The following ANKS1B variants were observed in gnomAD, a reference collection of about 807,000 sequenced individuals.
The protein encoded by ANKS1B is ankyrin repeat and sterile alpha motif domain containing 1B, also known as ankyrin repeat and sterile alpha motif domain-containing protein 1B.
In ANKS1B, 36 loss-of-function variants were observed where a neutral mutation model predicts 148.3. The observed-to-expected ratio is 0.24, with a 90% CI of 0.19 to 0.32. The LOEUF is 0.32. ANKS1B is among the 10% of genes least tolerant of loss of function. The pLI, the probability that ANKS1B is intolerant of heterozygous loss-of-function variation, is 1.00. For missense variants in ANKS1B, 1,157 were observed against 1,542.6 expected (o/e 0.75, Z 4.19); for synonymous variants, 542 against 560.8 (o/e 0.97, Z 0.47).
chr12:99,531,681 T>C (rs2096993041), intron 9 of ANKS1B, among the ~76,000 whole-genome samples: 1 of 152,212 alleles, frequency 6.6e-6, no homozygotes. Flanking sequence ...TGAGTACAAT[T>C]GTCTTTCTAA....
chr12:99,371,917 T>C (rs1019027955), intron 12 of ANKS1B, among the ~76,000 whole-genome samples: 1 of 152,180 alleles, frequency 6.6e-6, no homozygotes, highest in Non-Finnish European at 1.5e-5. Flanking sequence ...CTGAAGACAT[T>C]TAACTACGTT....
intron 17 of ANKS1B, among the ~76,000 whole-genome samples, chr12:98,978,580 T>A (rs1278196552): frequency 1.3e-5 from 2 of 152,084 alleles, no homozygotes; most frequent in East Asian, 3.8e-4. Context: ...AATAAATTTC[T>A]ATATTCTTTT....
chr12:99,294,499 A>C (rs1212436290), intron 12 of ANKS1B, among the ~76,000 whole-genome samples: 1 of 152,172 alleles, frequency 6.6e-6, no homozygotes, highest in Admixed American at 6.5e-5. Context: ...ACGGAGACAG[A>C]GAATAGAATG....
At chr12:99,935,970 C>G (rs1165854232) in intron 1 of ANKS1B, among the ~76,000 whole-genome samples, 4 of 152,122 alleles carry the variant, frequency 2.6e-5, no homozygotes, top group African/African-American at 7.2e-5. Flanking sequence ...ACAATCATGG[C>G]AGAAGGCACC....
chr12:99,469,490 A>G (rs2096201027), intron 10 of ANKS1B, among the ~76,000 whole-genome samples: 1 of 152,098 alleles, frequency 6.6e-6, no homozygotes, highest in South Asian at 2.1e-4. Flanking sequence ...TTACCTCATT[A>G]TGATTTCTTT....
intron 22 of ANKS1B, 72 bp downstream of exon 22, chr12:98,798,862 G>A: frequency 1.6e-6 from 2 of 1,278,076 alleles, no homozygotes; most frequent in South Asian, 2.7e-5. Context: ...TAATTTGAAA[G>A]GTGGCAATTT....
chr12:99,157,315 A>T (rs939044486), intron 14 of ANKS1B, among the ~76,000 whole-genome samples: 3 of 152,226 alleles, frequency 2.0e-5, no homozygotes, highest in African/African-American at 7.2e-5. Context: ...GTCATTTTGA[A>T]TTATAAATAG....
At chr12:99,550,659 G>A (rs1263604778) in intron 9 of ANKS1B, among the ~76,000 whole-genome samples, 2 of 151,488 alleles carry the variant, frequency 1.3e-5, no homozygotes, top group African/African-American at 4.9e-5. Context: ...AAGTTATGTA[G>A]AAATTTTTAT....
At chr12:99,552,306 C>A (rs1455070524) in intron 9 of ANKS1B, among the ~76,000 whole-genome samples, 1 of 152,172 alleles carries the variant, frequency 6.6e-6, no homozygotes, top group African/African-American at 2.4e-5. Flanking sequence ...CAATGTCTAT[C>A]ATGGTGTCTG....
chr12:99,551,519 AAAGGAGAGGAGAGGG>A (rs1288187178), intron 9 of ANKS1B, among the ~76,000 whole-genome samples: 1 of 106,214 alleles, frequency 9.4e-6, no homozygotes, highest in African/African-American at 3.7e-5. Flanking sequence ...AGTTGGAAGG[AAAGGAGAGGAGAGGG>A]GAGGGGAGGG....
At chr12:99,341,282 T>C (rs967846735) in intron 12 of ANKS1B, 1 of 152,092 alleles carries the variant, frequency 6.6e-6, no homozygotes, top group African/African-American at 2.4e-5. Flanking sequence ...TTCTAGGTAT[T>C]AATTAGCTCA....
At chr12:99,962,563 C>T (rs1288591767) in intron 1 of ANKS1B, among the ~76,000 whole-genome samples, 1 of 151,926 alleles carries the variant, frequency 6.6e-6, no homozygotes, top group Non-Finnish European at 1.5e-5. Flanking sequence ...GAGTATATAC[C>T]CAGTAATGGT....
At chr12:99,158,105 ATGT>A (rs946739527) in intron 14 of ANKS1B, among the ~76,000 whole-genome samples, 16 of 152,286 alleles carry the variant, frequency 1.1e-4, no homozygotes, top group Middle Eastern at 3.4e-3. Context: ...ACCCTGAGTC[ATGT>A]TGTTTGTTTG....
chr12:99,380,794 T>A (rs1198441462), intron 12 of ANKS1B, among the ~76,000 whole-genome samples: 2 of 133,370 alleles, frequency 1.5e-5, no homozygotes, highest in East Asian at 2.3e-4. Flanking sequence ...CCTTCCTTCC[T>A]TCCTTCCTTT....
chr12:99,728,149 G>A (rs2058792353), intron 8 of ANKS1B, among the ~76,000 whole-genome samples: 1 of 152,052 alleles, frequency 6.6e-6, no homozygotes, highest in Non-Finnish European at 1.5e-5. Context: ...TAATTAAAGA[G>A]CTTCTGCACA....
intron 17 of ANKS1B, among the ~76,000 whole-genome samples, chr12:99,037,415 C>G (rs1291729443): frequency 6.6e-6 from 1 of 151,696 alleles, no homozygotes; most frequent in Non-Finnish European, 1.5e-5. Context: ...ACTCGGGAGG[C>G]TGAGGCTTGA....
At chr12:99,484,346 G>C (rs1209112806) in intron 10 of ANKS1B, among the ~76,000 whole-genome samples, 1 of 151,844 alleles carries the variant, frequency 6.6e-6, no homozygotes, top group African/African-American at 2.4e-5. Context: ...TTATTTTGCT[G>C]TGGTTTGAGA....
intron 15 of ANKS1B, among the ~76,000 whole-genome samples, chr12:99,116,740 G>A (rs978014737): frequency 2.0e-5 from 3 of 152,080 alleles, no homozygotes; most frequent in Admixed American, 6.5e-5. Flanking sequence ...TGTGAAGAAA[G>A]TCAATAGTAG....
chr12:99,044,220 T>C (rs1433132187), intron 17 of ANKS1B, among the ~76,000 whole-genome samples: 2 of 152,198 alleles, frequency 1.3e-5, no homozygotes, highest in African/African-American at 4.8e-5. Context: ...AAAATTTTTT[T>C]TTTTTAGCAA....
Sources: gnomAD v4.1 joint callset for allele counts (sites outside exome capture counted in the v4.1 genomes callset) on GRCh38, gnomAD v4.1.1 for gene constraint, MANE v1.5 for transcripts, NCBI Gene and HGNC (gene_info 2026-07-23, HGNC 2026-07-21) for gene names.